CLVS1: variants seen among roughly 807,000 people sequenced by gnomAD.
The protein encoded by CLVS1 is clavesin 1, also known as clavesin-1.
A neutral mutation model predicts 33.1 loss-of-function variants in CLVS1; 10 were observed. That is an observed-to-expected ratio of 0.30 (90% CI 0.19 to 0.51). The LOEUF (loss-of-function observed/expected upper bound fraction) is 0.51, where lower values mean the gene tolerates loss of function less well. Ranked by LOEUF, CLVS1 falls within the 20% of genes least tolerant of loss-of-function variation. The pLI, the probability that CLVS1 is intolerant of heterozygous loss-of-function variation, is 0.97. For synonymous variants in CLVS1, 163 were observed against 166.1 expected (o/e 0.98, Z 0.14); for missense variants, 343 against 433.4 (o/e 0.79, Z 1.85).
At chr8:61,378,881 C>T (rs977493386) in intron 3 of CLVS1, among the ~76,000 whole-genome samples, 5 of 152,182 alleles carry the variant, frequency 3.3e-5, no homozygotes, top group Non-Finnish European at 7.3e-5. Context: ...CCTCTGATGT[C>T]TTGAAAAAGC....
At chr8:61,132,667 G>T (rs575389664) in intron 2 of CLVS1, among the ~76,000 whole-genome samples, 1 of 152,330 alleles carries the variant, frequency 6.6e-6, no homozygotes, top group East Asian at 1.9e-4. Context: ...CCTGTCTCCT[G>T]GGATTCTGTA....
chr8:61,399,150 T>G (rs1358788033), intron 3 of CLVS1, among the ~76,000 whole-genome samples: 1 of 152,234 alleles, frequency 6.6e-6, no homozygotes, highest in Non-Finnish European at 1.5e-5. Context: ...ATGGTTGAAC[T>G]AATTTACACT....
intron 5 of CLVS1, among the ~76,000 whole-genome samples, chr8:61,479,481 C>T (rs959102718): frequency 3.3e-5 from 5 of 152,082 alleles, no homozygotes; most frequent in East Asian, 1.9e-4. Context: ...GTTAGCCATT[C>T]GTCTAATTTT....
the CLVS1 span, among the ~76,000 whole-genome samples, chr8:61,017,133 GC>G: frequency 6.6e-6 from 1 of 152,216 alleles, no homozygotes; most frequent in Non-Finnish European, 1.5e-5. Flanking sequence ...CTGGGGGAGA[GC>G]CGAGCCTGGT....
intron 2 of CLVS1, among the ~76,000 whole-genome samples, chr8:61,336,224 T>A (rs1018431054): frequency 6.6e-6 from 1 of 152,144 alleles, no homozygotes; most frequent in Non-Finnish European, 1.5e-5. Context: ...CATGCAGGAT[T>A]TAACCTAATT....
At chr8:61,305,990 G>A (rs1042215900) in intron 2 of CLVS1, among the ~76,000 whole-genome samples, 7 of 152,108 alleles carry the variant, frequency 4.6e-5, no homozygotes, top group Non-Finnish European at 8.8e-5. Context: ...GAATAGTGCT[G>A]CAATGAACAT....
the CLVS1 span, among the ~76,000 whole-genome samples, chr8:61,051,472 G>C: frequency 6.6e-6 from 1 of 152,256 alleles, no homozygotes; most frequent in African/African-American, 2.4e-5. Flanking sequence ...TTCTGCACCA[G>C]GTTCCCCTTG....
At chr8:61,390,659 G>A (rs1295075528) in intron 3 of CLVS1, among the ~76,000 whole-genome samples, 1 of 152,128 alleles carries the variant, frequency 6.6e-6, no homozygotes, top group Admixed American at 6.5e-5. Context: ...GGGACAATTT[G>A]CCATACGTCT....
intron 1 of CLVS1, among the ~76,000 whole-genome samples, chr8:61,086,088 G>A (rs1054016800): frequency 1.4e-4 from 20 of 140,794 alleles, no homozygotes; most frequent in Admixed American, 5.8e-4. Context: ...TTAGCTTGTT[G>A]TGGTGGTGTG....
At chr8:61,016,977 T>C in the CLVS1 span, among the ~76,000 whole-genome samples, 203 of 152,284 alleles carry the variant, frequency 1.3e-3, 2 homozygotes, top group Non-Finnish European at 1.2e-3. Flanking sequence ...CTTACGGCAA[T>C]GTGGTGGGAG....
intron 2 of CLVS1, among the ~76,000 whole-genome samples, chr8:61,258,012 G>T (rs1809122587): frequency 6.6e-6 from 1 of 152,072 alleles, no homozygotes; most frequent in Non-Finnish European, 1.5e-5. Flanking sequence ...CAGGGGGAAA[G>T]GCAAGACAAA....
At position 61,060,629 on chromosome 8, in the gene CLVS1, A is replaced by G. The variant is rs536882619; in HGVS notation, c.-243+3399A>G. 1.1e-4 allele frequency among the ~76,000 whole-genome samples: 17 copies of G among 152,190 alleles called. No individual in the cohort carries two copies. The South Asian group carries it at 3.1e-3, about 28-fold the overall frequency. ...CCCACAGCGCCCCTTCCCACCCCTTATATTCAGTACTAGTCTTTCCAGGTT... is the reference window on the plus strand; with the variant it reads ...CCCACAGCGCCCCTTCCCACCCCTTGTATTCAGTACTAGTCTTTCCAGGTT... On this transcript the variant is annotated intron_variant, in intron 1 of 2. Transcript: ENST00000522621.
rs1160248336 is a variant in CLVS1, at chr8:61,091,654, G to A, written c.-243+34424G>A. On this transcript the variant is annotated intron_variant, in intron 1 of 2. Coordinates refer to the CLVS1 transcript ENST00000522621. ...ATCGAAAGCCCTTTATAAAACAAAT[G>A]TTCTCTAATTTAGCAGATACTACCT... Among the ~76,000 whole-genome samples, 6 of 152,192 alleles carry A rather than the reference G, an allele frequency of 3.9e-5. No homozygotes were observed. In the South Asian group the frequency reaches 8.3e-4, roughly 21 times the overall value.
chr8:61,020,405 T>A, the CLVS1 span, among the ~76,000 whole-genome samples: 2,616 of 152,334 alleles, frequency 0.017, 72 homozygotes, highest in African/African-American at 0.059. Context: ...AGGCTGAAAT[T>A]GAGCCACTTC....
intron 3 of CLVS1, among the ~76,000 whole-genome samples, chr8:61,380,935 AC>A (rs1813850548): frequency 6.6e-6 from 1 of 152,188 alleles, no homozygotes; most frequent in South Asian, 2.1e-4. Flanking sequence ...AGGAAGAGTT[AC>A]AGTCTTGTGT....
chr8:61,006,102 G>T, the CLVS1 span, among the ~76,000 whole-genome samples: 1,788 of 152,224 alleles, frequency 0.012, 37 homozygotes, highest in African/African-American at 0.04. Context: ...AATAAATAGC[G>T]CCTCTTCTCT....
the CLVS1 span, among the ~76,000 whole-genome samples, chr8:61,042,732 T>C: frequency 6.6e-6 from 1 of 152,184 alleles, no homozygotes; most frequent in African/African-American, 2.4e-5. Flanking sequence ...AGGTTATTAC[T>C]TTATAAATAT....
At chr8:61,365,624 C>T (rs1813171645) in intron 2 of CLVS1, among the ~76,000 whole-genome samples, 1 of 151,998 alleles carries the variant, frequency 6.6e-6, no homozygotes, top group African/African-American at 2.4e-5. Context: ...GGAGATTTTG[C>T]TGTTTGTGGC....
chr8:61,238,389 C>G (rs1397345365), intron 2 of CLVS1, among the ~76,000 whole-genome samples: 1 of 151,994 alleles, frequency 6.6e-6, no homozygotes, highest in Non-Finnish European at 1.5e-5. Flanking sequence ...TGTCCCTCTC[C>G]TCCCCTCCTG....
Sources: allele counts gnomAD v4.1 joint callset (sites outside exome capture counted in the v4.1 genomes callset), GRCh38; gene constraint gnomAD v4.1.1; transcripts MANE v1.5; gene names NCBI Gene and HGNC (gene_info 2026-07-23, HGNC 2026-07-21).